TF: variants seen among roughly 807,000 people sequenced by gnomAD.
TF encodes serotransferrin.
A neutral mutation model predicts 82.4 loss-of-function variants in TF; 55 were observed. The observed-to-expected ratio is 0.67, with a 90% CI of 0.54 to 0.84. The LOEUF (loss-of-function observed/expected upper bound fraction) is 0.84. Among genes scored for constraint, TF ranks in the 40% least tolerant of loss-of-function variants. The pLI, the probability that TF is intolerant of heterozygous loss-of-function variation, is 0.00. For missense variants in TF, 737 were observed against 868.4 expected (o/e 0.85, Z 1.90); for synonymous variants, 332 against 332.6 (o/e 1.00, Z 0.02).
At chr3:133,697,956 G>A in the TF span, among the ~76,000 whole-genome samples, 1 of 152,168 alleles carries the variant, frequency 6.6e-6, no homozygotes, top group South Asian at 2.1e-4. Context: ...GGTGTAGTCA[G>A]TTAGTTCTAG....
chr3:133,735,039 T>G, the TF span, among the ~76,000 whole-genome samples: 38 of 152,130 alleles, frequency 2.5e-4, no homozygotes, highest in African/African-American at 9.2e-4. Context: ...CAAGGGTAAT[T>G]GCTATATTGA....
At chr3:133,719,378 A>G in the TF span, among the ~76,000 whole-genome samples, 2 of 152,152 alleles carry the variant, frequency 1.3e-5, no homozygotes, top group Non-Finnish European at 2.9e-5. Flanking sequence ...ATAAGTAAGC[A>G]GTTTTCTTTG....
chr3:133,692,169 G>A, the TF span, among the ~76,000 whole-genome samples: 1 of 152,262 alleles, frequency 6.6e-6, no homozygotes, highest in Non-Finnish European at 1.5e-5. Flanking sequence ...GGACCTGACT[G>A]CGTCTTCCTT....
chr3:133,707,385 G>A, the TF span: 38 of 152,320 alleles, frequency 2.5e-4, 1 homozygote, highest in Admixed American at 1.4e-3. Flanking sequence ...TCACTGGGAG[G>A]GGCCTCCAGT....
In TF at chr3:133,746,417, G is replaced by T; in HGVS notation, c.-24G>T. The T allele has an allele frequency of 1.3e-6, 2 of 1,592,264 alleles. No individual in the cohort carries two copies. The highest frequency in any genetic ancestry group is 8.5e-7 in the Non-Finnish European group (1 of 1,172,896). On this transcript the variant is annotated 5_prime_UTR_variant, in exon 1 of 17. Transcript: ENST00000402696. ...CACAGAAGCGAGTCCGACTGTGCTCGCTGCTCAGCGCCGCACCCGGAAGAT... is the reference window on the plus strand; with the variant it reads ...CACAGAAGCGAGTCCGACTGTGCTCTCTGCTCAGCGCCGCACCCGGAAGAT...
Position 133,791,100 on chromosome 3 carries a change from G to C in TF, c.*12480G>C, listed in dbSNP as rs1934820450. The C allele has an allele frequency of 6.6e-6, 1 of 152,014 alleles. No homozygotes were observed. The highest frequency in any genetic ancestry group is 1.5e-5 in the Non-Finnish European group (1 of 68,014). The allele number at this position is 152,014 out of a possible 1,614,324, so 9.4% of individuals were successfully genotyped here. A position where few individuals can be genotyped will look rare whatever the true frequency, so the allele number is the denominator to read the frequency against. ...AGGCTTTTATTTGGTTCTGTGAATA[G>C]TTATTTTGTTCCCTATGCATTTCTA... On this transcript the variant is annotated 3_prime_UTR_variant, in exon 17 of 17. Transcript: ENST00000402696.
chr3:133,737,376 A>G, the TF span, among the ~76,000 whole-genome samples: 1 of 152,222 alleles, frequency 6.6e-6, no homozygotes, highest in Non-Finnish European at 1.5e-5. Context: ...AAGATCTAAA[A>G]TTGACACTCT....
At chr3:133,711,461 CTGG>C in the TF span, among the ~76,000 whole-genome samples, 1 of 152,206 alleles carries the variant, frequency 6.6e-6, no homozygotes, top group Non-Finnish European at 1.5e-5. Flanking sequence ...CCTGCCGAGC[CTGG>C]TCCTTTTCCA....
the TF span, among the ~76,000 whole-genome samples, chr3:133,678,195 C>T: frequency 6.6e-6 from 1 of 152,154 alleles, no homozygotes; most frequent in African/African-American, 2.4e-5. Context: ...TGAACTCATC[C>T]TTTTTTATGG....
the TF span, among the ~76,000 whole-genome samples, chr3:133,711,660 A>G: frequency 2.6e-5 from 4 of 151,858 alleles, no homozygotes; most frequent in African/African-American, 9.7e-5. Context: ...GGAGCCTGCC[A>G]CCTGAACTCC....
rs978410535 is a variant in TF, at chr3:133,792,160, T to C, written c.*13540T>C. 6.6e-6 allele frequency: 1 copy of C among 152,146 alleles called. No homozygotes were observed. The highest frequency in any genetic ancestry group is 6.5e-5 in the Admixed American group (1 of 15,276). The allele number at this position is 152,146 out of a possible 1,614,324, so 9.4% of individuals were successfully genotyped here. ...ATTCTAGATAAGGCCTGGGGACAAA[T>C]AGAATTAGCCATGTCCCCTAGCTAT... is the stretch of plus-strand genomic sequence containing the variant. On this transcript the variant is annotated 3_prime_UTR_variant, in exon 17 of 17. Coordinates refer to ENST00000402696, the MANE Select transcript of TF (RefSeq NM_001063.4).
chr3:133,685,346 G>A, the TF span, among the ~76,000 whole-genome samples: 1 of 152,150 alleles, frequency 6.6e-6, no homozygotes, highest in East Asian at 1.9e-4. Flanking sequence ...TGGAAGTTCT[G>A]GACAGGGCAA....
intron 2 of TF, among the ~76,000 whole-genome samples, 167 bp from the exon 3 acceptor site, chr3:133,753,428 T>C (rs1231542215): frequency 6.7e-6 from 1 of 150,330 alleles, no homozygotes; most frequent in African/African-American, 2.4e-5. Context: ...CTAAGTGCCC[T>C]TGCGAGGGAG....
chr3:133,792,344 A>G lies in TF; in HGVS notation c.*13724A>G, dbSNP rs992584868. On this transcript the variant is annotated 3_prime_UTR_variant, in exon 17 of 17. Transcript: ENST00000402696. The stretch of plus-strand genomic sequence containing the variant: ...GTAGATGGTCTGTGTAAGTCATGAA[A>G]TAATTTACAAAAGAGAATTTATGCA... The G allele has an allele frequency of 3.3e-5, 5 of 152,274 alleles. No individual in the cohort carries two copies. 9.4% of individuals were successfully genotyped at this position (152,274 alleles called of 1,614,324 possible).
Position 133,779,792 on chromosome 3 carries a change from A to C in TF, c.*1172A>C, listed in dbSNP as rs1214413839. 6.6e-6 allele frequency: 1 copy of C among 152,326 alleles called. No individual in the cohort carries two copies. Among genetic ancestry groups the C allele is most frequent in the Non-Finnish European group, 1.5e-5 (1 of 68,120 alleles). 9.4% of individuals were successfully genotyped at this position (152,326 alleles called of 1,614,324 possible). ...ATACTCGAGTCTTGCAGCAGTCAGAAACCCAACAAATCAAAAATTGAAGTG... is the reference window on the plus strand; with the variant it reads ...ATACTCGAGTCTTGCAGCAGTCAGACACCCAACAAATCAAAAATTGAAGTG... On this transcript the variant is annotated 3_prime_UTR_variant, in exon 17 of 17. Transcript: ENST00000402696.
rs1476743829 is a variant in TF, at chr3:133,783,927, C to G, written c.*5307C>G. The G allele has an allele frequency of 6.6e-6, 1 of 152,342 alleles. No individual in the cohort carries two copies. The highest frequency in any genetic ancestry group is 1.5e-5 in the Non-Finnish European group (1 of 68,114). 9.4% of individuals were successfully genotyped at this position (152,342 alleles called of 1,614,324 possible). On this transcript the variant is annotated 3_prime_UTR_variant, in exon 17 of 17. Transcript: ENST00000402696. ...TGGACGCAGCGCCCCTGGGTGGCGG[C>G]AGGTATAGCAGGGCGGGAAGCAGGG... is the stretch of plus-strand genomic sequence containing the variant.
chr3:133,689,857 A>C, the TF span, among the ~76,000 whole-genome samples: 1 of 152,246 alleles, frequency 6.6e-6, no homozygotes, highest in Non-Finnish European at 1.5e-5. Context: ...TGTTCTTTAA[A>C]TCAAATTAAA....
Position 133,795,076 on chromosome 3 carries a change from G to C in TF, c.*16456G>C, listed in dbSNP as rs1163287189. 1 of 152,212 alleles carries C rather than the reference G, an allele frequency of 6.6e-6. No individual in the cohort carries two copies. Among genetic ancestry groups the C allele is most frequent in the Non-Finnish European group, 1.5e-5 (1 of 68,042 alleles). The allele number at this position is 152,212 out of a possible 1,614,324, so 9.4% of individuals were successfully genotyped here. A position where few individuals can be genotyped will look rare whatever the true frequency, so the allele number is the denominator to read the frequency against. ...TAAGAAAGTTATGCTAAATAATAGAGTTGGCTAAACAGAAGAGTATCTGTG... is the reference window on the plus strand; with the variant it reads ...TAAGAAAGTTATGCTAAATAATAGACTTGGCTAAACAGAAGAGTATCTGTG... On this transcript the variant is annotated 3_prime_UTR_variant, in exon 17 of 17. Transcript: ENST00000402696.
intron 5 of TF, 63 bp downstream of exon 5, chr3:133,755,558 C>G: frequency 6.2e-7 from 1 of 1,607,760 alleles, no homozygotes; most frequent in Non-Finnish European, 8.5e-7. Context: ...GGTGAGAGTT[C>G]TTTGCTGGTC....
Sources: gnomAD v4.1 joint callset for allele counts (sites outside exome capture counted in the v4.1 genomes callset) on GRCh38, gnomAD v4.1.1 for gene constraint, MANE v1.5 for transcripts, NCBI Gene and HGNC (gene_info 2026-07-23, HGNC 2026-07-21) for gene names.